The following ATRNL1 variants were observed in gnomAD, a reference collection of about 807,000 sequenced individuals.
ATRNL1 encodes attractin-like protein 1.
Under a neutral mutation model 182.7 loss-of-function variants are expected in ATRNL1, and 95 were observed. That is an observed-to-expected ratio of 0.52 (90% CI 0.44 to 0.62). ATRNL1 has a LOEUF of 0.62. Ranked by LOEUF, ATRNL1 falls within the 20% of genes least tolerant of loss-of-function variation. ATRNL1 has a pLI of 0.00. For synonymous variants in ATRNL1, 576 were observed against 568.3 expected (o/e 1.01, Z -0.19); for missense variants, 1,471 against 1,679.5 (o/e 0.88, Z 2.17).
At chr10:115,657,729 A>G (rs1350775098) in intron 26 of ATRNL1, among the ~76,000 whole-genome samples, 1 of 152,132 alleles carries the variant, frequency 6.6e-6, no homozygotes, top group Non-Finnish European at 1.5e-5. Context: ...CACACCCAAG[A>G]AATTTCCATT....
At chr10:115,875,107 G>A (rs958704031) in intron 28 of ATRNL1, among the ~76,000 whole-genome samples, 25 of 152,172 alleles carry the variant, frequency 1.6e-4, no homozygotes, top group African/African-American at 5.8e-4. Flanking sequence ...ATAGGACTTG[G>A]TGACAAATTG....
chr10:115,432,345 A>G (rs1017217069), intron 21 of ATRNL1, among the ~76,000 whole-genome samples: 17 of 152,210 alleles, frequency 1.1e-4, no homozygotes, highest in Admixed American at 2.0e-4. Flanking sequence ...TCTAGATTAC[A>G]TAGGATCCCT....
intron 26 of ATRNL1, among the ~76,000 whole-genome samples, chr10:115,554,578 T>C (rs920577044): frequency 6.6e-6 from 1 of 151,596 alleles, no homozygotes; most frequent in African/African-American, 2.4e-5. Flanking sequence ...GGCCCCATTA[T>C]TGGGGAATTT....
At chr10:115,390,777 A>G (rs536143288) in intron 19 of ATRNL1, among the ~76,000 whole-genome samples, 31 of 152,270 alleles carry the variant, frequency 2.0e-4, no homozygotes, top group African/African-American at 7.5e-4. Flanking sequence ...AATTATCCCA[A>G]TCCATGAACA....
intron 28 of ATRNL1, among the ~76,000 whole-genome samples, chr10:115,895,953 A>G (rs781829072): frequency 6.6e-6 from 1 of 152,184 alleles, no homozygotes. Flanking sequence ...TGTGTTTACT[A>G]ATTCGATCTA....
At chr10:115,648,510 C>T (rs930006096) in intron 26 of ATRNL1, among the ~76,000 whole-genome samples, 1 of 152,228 alleles carries the variant, frequency 6.6e-6, no homozygotes, top group South Asian at 2.1e-4. Flanking sequence ...AATCCTAAGC[C>T]AAAAGAACAA....
chr10:115,181,795 CAA>C (rs1207786990), intron 8 of ATRNL1, among the ~76,000 whole-genome samples: 11 of 151,672 alleles, frequency 7.3e-5, no homozygotes, highest in African/African-American at 2.4e-4. Flanking sequence ...TACAAGAAGA[CAA>C]AGTACCATCA....
intron 9 of ATRNL1, among the ~76,000 whole-genome samples, chr10:115,234,445 A>G (rs529359124): frequency 6.6e-6 from 1 of 152,092 alleles, no homozygotes; most frequent in East Asian, 1.9e-4. Context: ...TTTACTAAAA[A>G]ACAAAGATAC....
intron 20 of ATRNL1, among the ~76,000 whole-genome samples, chr10:115,401,065 T>C (rs1247201715): frequency 6.6e-6 from 1 of 152,054 alleles, no homozygotes; most frequent in Admixed American, 6.6e-5. Flanking sequence ...ATTGATTTAT[T>C]AGGTTAATGG....
In ATRNL1 at chr10:115,093,424, C is replaced by G. The variant is rs1208499973; in HGVS notation, c.-327C>G. 5.6e-6 allele frequency: 2 copies of G among 357,380 alleles called. No homozygotes were observed. The highest frequency in any genetic ancestry group is 1.0e-5 in the Non-Finnish European group (2 of 197,638). 22.1% of individuals were successfully genotyped at this position (357,380 alleles called of 1,614,324 possible). On this transcript the variant is annotated 5_prime_UTR_variant, in exon 1 of 29. Coordinates refer to ENST00000355044, the MANE Select transcript of ATRNL1 (RefSeq NM_207303.4). The surrounding 1 kb of genome is among the most constrained non-coding windows in gnomAD (Gnocchi z 6.1). ...CGCGGGGTCCCCTCCTCCTGCCGGT[C>G]AGGTCCCCTCAGGAGCGCCGGGCGC...
intron 13 of ATRNL1, among the ~76,000 whole-genome samples, 179 bp downstream of exon 13, chr10:115,268,623 A>C (rs535078771): frequency 1.3e-5 from 2 of 152,300 alleles, no homozygotes; most frequent in East Asian, 3.9e-4. Flanking sequence ...TTGTTGTTCA[A>C]ATTTGTCAGT....
intron 1 of ATRNL1, among the ~76,000 whole-genome samples, chr10:115,114,008 G>A (rs980873310): frequency 1.3e-5 from 2 of 151,242 alleles, no homozygotes; most frequent in Non-Finnish European, 2.9e-5. Flanking sequence ...TGAACTTTTA[G>A]TCATCTCATA....
intron 26 of ATRNL1, among the ~76,000 whole-genome samples, chr10:115,655,356 G>A (rs144539433): frequency 6.6e-6 from 1 of 152,250 alleles, no homozygotes; most frequent in African/African-American, 2.4e-5. Context: ...TATATCTTGA[G>A]CGTCCTTGGT....
intron 17 of ATRNL1, among the ~76,000 whole-genome samples, chr10:115,303,271 C>T (rs1554925190): frequency 7.3e-6 from 1 of 136,234 alleles, no homozygotes; most frequent in African/African-American, 2.8e-5. Flanking sequence ...GTGGCCCAGG[C>T]TGGAGTGCAG....
intron 8 of ATRNL1, among the ~76,000 whole-genome samples, chr10:115,200,321 C>G (rs1333233301): frequency 2.1e-5 from 3 of 144,796 alleles, no homozygotes; most frequent in Non-Finnish European, 3.0e-5. Context: ...TGGTGTGCTG[C>G]ACCCATTAAC....
chr10:115,784,210 G>C (rs1018858299), intron 27 of ATRNL1, among the ~76,000 whole-genome samples: 4 of 152,138 alleles, frequency 2.6e-5, no homozygotes, highest in Admixed American at 6.5e-5. Context: ...GCTACACACA[G>C]GGCTTATTGG....
intron 26 of ATRNL1, among the ~76,000 whole-genome samples, chr10:115,568,128 C>A (rs569896018): frequency 6.6e-6 from 1 of 151,970 alleles, no homozygotes; most frequent in Non-Finnish European, 1.5e-5. Context: ...AATGTAGGTA[C>A]GTAGAATCAT....
chr10:115,168,270 A>T (rs1847136188), intron 7 of ATRNL1, among the ~76,000 whole-genome samples: 1 of 152,128 alleles, frequency 6.6e-6, no homozygotes, highest in African/African-American at 2.4e-5. Context: ...GCTATTATGA[A>T]TAATGCTACT....
chr10:115,392,633 T>C (rs1844085369), intron 19 of ATRNL1, among the ~76,000 whole-genome samples: 1 of 152,154 alleles, frequency 6.6e-6, no homozygotes, highest in Non-Finnish European at 1.5e-5. Context: ...AGAATAGTTG[T>C]CATATTTAGT....
Sources: gnomAD v4.1 joint callset for allele counts (sites outside exome capture counted in the v4.1 genomes callset) on GRCh38, gnomAD v4.1.1 for gene constraint, Gnocchi (gnomAD v3.1) non-coding constraint, MANE v1.5 for transcripts, NCBI Gene and HGNC (gene_info 2026-07-23, HGNC 2026-07-21) for gene names.